DTYMK: variants seen among roughly 807,000 people sequenced by gnomAD.
DTYMK encodes deoxythymidylate kinase.
Under a neutral mutation model 20.3 loss-of-function variants are expected in DTYMK, and 20 were observed. The ratio of observed to expected loss-of-function variants is 0.99; its 90% CI spans 0.69 to 1.43. The LOEUF (loss-of-function observed/expected upper bound fraction) is 1.43. DTYMK is among the 40% of genes most tolerant of loss of function. DTYMK has a pLI of 0.00. For missense variants in DTYMK, 320 were observed against 291.1 expected (o/e 1.10, Z -0.72); for synonymous variants, 148 against 124.4 (o/e 1.19, Z -1.27).
Position 241,678,508 on chromosome 2 carries a change from C to G in DTYMK, c.472G>C (p.Glu158Gln). 1 of 1,614,182 alleles carries G rather than the reference C, an allele frequency of 6.2e-7. No individual in the cohort carries two copies. The highest frequency in any genetic ancestry group is 8.5e-7 in the Non-Finnish European group (1 of 1,180,044). Residue 158 changes from glutamate to glutamine, a missense_variant, in exon 4 of 5, where the codon GAG becomes CAG. Transcript: ENST00000305784. ...TGGTGGAAACACCGGAGCGCCCGCT[C>G]CTGGAAAGCCCCGTTCTCATAGCGC... ...HERYENGAFQ[E>Q]RALRCFHQLM...
intron 2 of DTYMK, chr2:241,684,890 A>G (rs1275233752): frequency 2.5e-6 from 1 of 392,954 alleles, no homozygotes; most frequent in Non-Finnish European, 5.2e-6. Context: ...AGGCAGGGGT[A>G]GTATGTAGGG....
chr2:241,686,589 C>A, intron 1 of DTYMK, 65 bp downstream of exon 1: 1 of 1,421,938 alleles, frequency 7.0e-7, no homozygotes, highest in Non-Finnish European at 9.1e-7. Flanking sequence ...CGAAGCGGAG[C>A]AAAGAGCCCC....
intron 4 of DTYMK, among the ~76,000 whole-genome samples, chr2:241,676,919 G>T (rs571875629): frequency 1.6e-4 from 25 of 152,390 alleles, no homozygotes; most frequent in African/African-American, 6.0e-4. Context: ...AAGCCAGACA[G>T]CAGGACCAGT....
intron 2 of DTYMK, among the ~76,000 whole-genome samples, 174 bp from the exon 3 acceptor site, chr2:241,680,493 G>A (rs1042667161): frequency 9.2e-5 from 14 of 152,086 alleles, no homozygotes; most frequent in African/African-American, 2.7e-4. Flanking sequence ...TGGCTAACAT[G>A]GTGAAACCCT....
At chr2:241,681,930 G>A (rs532441405) in intron 2 of DTYMK, 22 of 251,830 alleles carry the variant, frequency 8.7e-5, no homozygotes, top group Admixed American at 4.2e-4. Flanking sequence ...TGTAGTCCTA[G>A]CTACTCCAGA....
chr2:241,686,641 C>T lies in DTYMK; in HGVS notation c.130+13G>A. On this transcript the variant is annotated intron_variant, in intron 1 of 4. Transcript: ENST00000305784. ...CCGAAGGCCGCGGCGCACCCCCCGC[C>T]GCGCGCACCCACCCGGGAACCGGAG... The T allele has an allele frequency of 1.3e-6, 2 of 1,499,498 alleles. No individual in the cohort carries two copies. Among genetic ancestry groups the T allele is most frequent in the Non-Finnish European group, 1.8e-6 (2 of 1,137,094 alleles). 92.9% of individuals were successfully genotyped at this position (1,499,498 alleles called of 1,614,324 possible).
At position 241,676,615 on chromosome 2, in the gene DTYMK, G is replaced by A. The variant is rs144587974; in HGVS notation, c.529-378C>T. ...AACCTCAACCTTGACAAGTGTCTAC[G>A]GTAGTCACCCGGCATTCCTGCCACA... On this transcript the variant is annotated intron_variant, in intron 4 of 4. Transcript: ENST00000305784. 5.2e-4 allele frequency among the ~76,000 whole-genome samples: 79 copies of A among 152,334 alleles called. 2 individuals are homozygous for A. The East Asian group carries it at 0.014, about 27-fold the overall frequency.
chr2:241,684,771 AAAG>A (rs1203000709), intron 2 of DTYMK: 9 of 461,886 alleles, frequency 1.9e-5, no homozygotes, highest in Non-Finnish European at 3.1e-5. Context: ...TAAAACAAAA[AAAG>A]GTGGTAGGAG....
intron 2 of DTYMK, among the ~76,000 whole-genome samples, chr2:241,683,214 T>C (rs1394701293): frequency 1.3e-5 from 2 of 152,200 alleles, no homozygotes; most frequent in African/African-American, 2.4e-5. Flanking sequence ...AACAATGAGA[T>C]GCCACACACA....
Position 241,676,139 on chromosome 2 carries a change from C to T in DTYMK, c.627G>A (p.Glu209=), listed in dbSNP as rs1304943674. 5.0e-6 allele frequency: 8 copies of T among 1,611,574 alleles called. No individual in the cohort carries two copies. The South Asian group carries it at 8.8e-5, about 18-fold the overall frequency. Residue 209 remains glutamate, a synonymous_variant, in exon 5 of 5, where the codon GAG becomes GAA. Transcript: ENST00000305784. The part of the protein sequence containing the change: ...IRTATEKPLG[E]LWK ...GGGCAGCCTTGGGTCACTTCCATAGCTCCCCCAGCGGCTTCTCTGTGGCAG... is the reference window on the plus strand; with the variant it reads ...GGGCAGCCTTGGGTCACTTCCATAGTTCCCCCAGCGGCTTCTCTGTGGCAG...
At chr2:241,680,686 GA>G (rs2069237997) in intron 2 of DTYMK, among the ~76,000 whole-genome samples, 1 of 152,008 alleles carries the variant, frequency 6.6e-6, no homozygotes, top group South Asian at 2.1e-4. Flanking sequence ...AAAAGAAAAA[GA>G]AAATTATCCC....
chr2:241,676,177 C>A lies in DTYMK; in HGVS notation c.589G>T (p.Asp197Tyr). The A allele has an allele frequency of 1.9e-6, 3 of 1,613,270 alleles. 1 individual carries two copies. In the South Asian group the frequency reaches 3.3e-5, roughly 18 times the overall value. The change falls in exon 5 of 5, where the codon GAC (aspartate) becomes TAC (tyrosine). Residue 197 changes from aspartate to tyrosine, a missense_variant. By Grantham distance (160) the Asp-to-Tyr change is radical. Coordinates refer to ENST00000305784, the MANE Select transcript of DTYMK (RefSeq NM_012145.4). ...VHEDIRVLSE[D>Y]AIRTATEKPL... ...TTCTCTGTGGCAGTGCGGATGGCGTCCTCAGAGAGCACGCGGATGTCCTCA... is the reference window on the plus strand; with the variant it reads ...TTCTCTGTGGCAGTGCGGATGGCGTACTCAGAGAGCACGCGGATGTCCTCA...
At chr2:241,677,040 G>A (rs1229880542) in intron 4 of DTYMK, among the ~76,000 whole-genome samples, 22 of 152,276 alleles carry the variant, frequency 1.4e-4, no homozygotes, top group Non-Finnish European at 8.8e-5. Flanking sequence ...TAAGCCCGCA[G>A]GACAGCCTTC....
chr2:241,686,073 C>G (rs1432077888), intron 1 of DTYMK, among the ~76,000 whole-genome samples, 196 bp from the exon 2 acceptor site: 1 of 152,106 alleles, frequency 6.6e-6, no homozygotes, highest in African/African-American at 2.4e-5. Context: ...TGCAAACAAG[C>G]TGGGATGAAA....
chr2:241,676,281 C>T lies in DTYMK; in HGVS notation c.529-44G>A, dbSNP rs111631867. The stretch of plus-strand genomic sequence containing the variant: ...CAGGAGAAAAAGAGGCTCATCAGCA[C>T]GTTCCAGGCTGGTCACGGGAGCCCA... On this transcript the variant is annotated intron_variant, in intron 4 of 4. Coordinates refer to ENST00000305784, the MANE Select transcript of DTYMK (RefSeq NM_012145.4). 1,412 of 1,562,654 alleles carry T rather than the reference C, an allele frequency of 9.0e-4. 9 individuals carry two copies. The African/African-American group carries it at 0.014, about 16-fold the overall frequency.
chr2:241,677,633 G>C (rs897515697), intron 4 of DTYMK, among the ~76,000 whole-genome samples: 1 of 152,248 alleles, frequency 6.6e-6, no homozygotes, highest in Non-Finnish European at 1.5e-5. Flanking sequence ...GAGTCTGGGA[G>C]AGAGGTAGGG....
intron 3 of DTYMK, 111 bp downstream of exon 3, chr2:241,680,118 A>G: frequency 2.1e-6 from 2 of 970,726 alleles, no homozygotes; most frequent in Non-Finnish European, 3.1e-6. Context: ...GAATATAAGA[A>G]TCACGAAACT....
intron 3 of DTYMK, among the ~76,000 whole-genome samples, chr2:241,679,605 G>A (rs2069194061): frequency 6.6e-6 from 1 of 152,092 alleles, no homozygotes; most frequent in African/African-American, 2.4e-5. Context: ...ACTCCAGCCT[G>A]GGCAACAGAG....
Position 241,685,884 on chromosome 2 carries a change from A to T in DTYMK, c.131-7T>A, listed in dbSNP as rs1311941763. ...CCGATTTCAGTTGATCTTTCTAGAA[A>T]AAAAGAGAAACACACAAAATGCAAG... On this transcript the variant is annotated splice_polypyrimidine_tract_variant and splice_region_variant and intron_variant, in intron 1 of 4. Transcript: ENST00000305784. 6.2e-7 allele frequency: 1 copy of T among 1,613,726 alleles called. No individual in the cohort carries two copies. The highest frequency in any genetic ancestry group is 1.1e-5 in the South Asian group (1 of 91,088).
Sources: gnomAD v4.1 joint callset for allele counts (sites outside exome capture counted in the v4.1 genomes callset) on GRCh38, gnomAD v4.1.1 for gene constraint, MANE v1.5 for transcripts, NCBI Gene and HGNC (gene_info 2026-07-23, HGNC 2026-07-21) for gene names.